The following PRKG1 variants were observed in gnomAD, a reference collection of about 807,000 sequenced individuals.
PRKG1 encodes cGMP-dependent protein kinase 1.
Under a neutral mutation model 88.1 loss-of-function variants are expected in PRKG1, and 35 were observed. The observed-to-expected ratio is 0.40, with a 90% CI of 0.30 to 0.53. The LOEUF (loss-of-function observed/expected upper bound fraction) is 0.53, where lower values mean the gene tolerates loss of function less well. Ranked by LOEUF, PRKG1 falls within the 20% of genes least tolerant of loss-of-function variation. The probability of loss-of-function intolerance (pLI) is 0.59; values close to 1 mark genes in which losing one functional copy is unlikely to be tolerated. For missense variants in PRKG1, 540 were observed against 839.8 expected (o/e 0.64, Z 4.41); for synonymous variants, 303 against 292.5 (o/e 1.04, Z -0.37).
In PRKG1 at chr10:51,631,054, G is replaced by A. The variant is rs148655004; in HGVS notation, c.592+163218G>A. Among the ~76,000 whole-genome samples the A allele has an allele frequency of 5.9e-5, 9 of 152,324 alleles. No homozygotes were observed. The East Asian group carries it at 1.7e-3, about 29-fold the overall frequency. On this transcript the variant is annotated intron_variant, in intron 3 of 17. Transcript: ENST00000373980. ...GGCTTCATGGCTTCTTCGTTGGATA[G>A]CCGGTCACCACATATTATACAAAAA...
rs151211458 is a variant in PRKG1, at chr10:52,073,931, C to T, written c.935+11300C>T. Reference sequence around the variant, plus strand: ...CCTTAGCATTTGGACTAGACTACTTCCACAATAATCAAGATTATTTAATAA... The same window carrying T: ...CCTTAGCATTTGGACTAGACTACTTTCACAATAATCAAGATTATTTAATAA... On this transcript the variant is annotated intron_variant, in intron 7 of 17. Coordinates refer to ENST00000373980, the MANE Select transcript of PRKG1 (RefSeq NM_006258.4). Among the ~76,000 whole-genome samples the T allele has an allele frequency of 7.2e-3, 1,092 of 152,300 alleles. 15 individuals are homozygous for T. The highest frequency in any genetic ancestry group is 0.025 in the African/African-American group (1,040 of 41,562).
At chr10:51,201,387 G>A (rs997453854) in intron 2 of PRKG1, among the ~76,000 whole-genome samples, 4 of 152,176 alleles carry the variant, frequency 2.6e-5, no homozygotes, top group Non-Finnish European at 5.9e-5. Context: ...GGGTGGCGGA[G>A]GTTGCAGTGA....
At position 52,059,917 on chromosome 10, in the gene PRKG1, A is replaced by C. The variant is rs139132529; in HGVS notation, c.841-2620A>C. Among the ~76,000 whole-genome samples, 389 of 152,076 alleles carry C rather than the reference A, an allele frequency of 2.6e-3. 1 individual carries two copies. The highest frequency in any genetic ancestry group is 8.7e-3 in the African/African-American group (361 of 41,562). ...CATATCTATAACAAGAAAATGTTCG[A>C]GTCTTTTAAGAAGAAAATTGTATTT... On this transcript the variant is annotated intron_variant, in intron 6 of 17. Transcript: ENST00000373980.
At chr10:51,115,622 G>A (rs540678985) in intron 1 of PRKG1, among the ~76,000 whole-genome samples, 12 of 151,384 alleles carry the variant, frequency 7.9e-5, no homozygotes, top group African/African-American at 2.9e-4. Flanking sequence ...GGAGGATCAC[G>A]AGGTCAAGAG....
intron 4 of PRKG1, among the ~76,000 whole-genome samples, chr10:51,848,114 A>C (rs1429848191): frequency 6.6e-6 from 1 of 152,168 alleles, no homozygotes; most frequent in Non-Finnish European, 1.5e-5. Flanking sequence ...GCATTCCAAA[A>C]TACAGCCCAG....
At chr10:51,467,615 T>C (rs1839941414) in intron 2 of PRKG1, 108 bp from the exon 3 acceptor site, 1 of 786,514 alleles carries the variant, frequency 1.3e-6, no homozygotes, top group African/African-American at 1.8e-5. Flanking sequence ...TTTTAATTGG[T>C]AACTGCATTT....
At chr10:52,244,977 TA>T (rs1001347015) in intron 9 of PRKG1, among the ~76,000 whole-genome samples, 9 of 146,078 alleles carry the variant, frequency 6.2e-5, no homozygotes, top group African/African-American at 1.7e-4. Context: ...TTAAAAATAT[TA>T]AAAATATAAA....
chr10:51,704,272 G>GATAGATAT (rs1468017149), intron 3 of PRKG1, among the ~76,000 whole-genome samples: 1 of 152,016 alleles, frequency 6.6e-6, no homozygotes, highest in Non-Finnish European at 1.5e-5. Flanking sequence ...TAGATAGATA[G>GATAGATAT]ATATTTTGTT....
chr10:52,032,300 CT>C (rs756143643), intron 5 of PRKG1, among the ~76,000 whole-genome samples: 6 of 152,154 alleles, frequency 3.9e-5, no homozygotes, highest in Non-Finnish European at 8.8e-5. Context: ...TGAGCATAGG[CT>C]TTCTAAAGCA....
At chr10:51,537,760 G>A (rs1219743261) in intron 3 of PRKG1, among the ~76,000 whole-genome samples, 2 of 151,210 alleles carry the variant, frequency 1.3e-5, no homozygotes, top group East Asian at 3.9e-4. Flanking sequence ...TACTCGGGGA[G>A]CTTTTAAAAC....
intron 5 of PRKG1, among the ~76,000 whole-genome samples, chr10:52,031,587 A>C (rs1277194302): frequency 6.6e-6 from 1 of 152,230 alleles, no homozygotes; most frequent in African/African-American, 2.4e-5. Flanking sequence ...TTTTTAAAAT[A>C]GTGCAAAACA....
chr10:51,525,152 G>T (rs1265796319), intron 3 of PRKG1, among the ~76,000 whole-genome samples: 1 of 151,456 alleles, frequency 6.6e-6, no homozygotes, highest in Non-Finnish European at 1.5e-5. Flanking sequence ...GAGAGAGAAG[G>T]AGGAGGAGGA....
chr10:51,282,064 A>G (rs536743019), intron 2 of PRKG1, among the ~76,000 whole-genome samples: 2 of 152,334 alleles, frequency 1.3e-5, no homozygotes, highest in South Asian at 4.1e-4. Context: ...AAAGTGATGC[A>G]ATGCCAACAC....
At chr10:51,739,236 A>G (rs1837369527) in intron 3 of PRKG1, among the ~76,000 whole-genome samples, 1 of 152,052 alleles carries the variant, frequency 6.6e-6, no homozygotes, top group Non-Finnish European at 1.5e-5. Context: ...TTGAAATATC[A>G]TATATTCATT....
At chr10:51,511,379 G>C (rs781256365) in intron 3 of PRKG1, among the ~76,000 whole-genome samples, 1 of 152,112 alleles carries the variant, frequency 6.6e-6, no homozygotes, top group Non-Finnish European at 1.5e-5. Context: ...TCTATTATCA[G>C]AAGTCACAAT....
intron 1 of PRKG1, among the ~76,000 whole-genome samples, chr10:51,044,292 G>C (rs1220804316): frequency 6.6e-6 from 1 of 152,170 alleles, no homozygotes; most frequent in Non-Finnish European, 1.5e-5. Context: ...AAGGCCATGG[G>C]GATGAGGTGA....
At chr10:51,893,904 C>T (rs907972160) in intron 4 of PRKG1, among the ~76,000 whole-genome samples, 13 of 152,012 alleles carry the variant, frequency 8.6e-5, no homozygotes, top group African/African-American at 2.9e-4. Context: ...ACTACAAAAG[C>T]AGGACTTTCA....
chr10:51,774,284 A>G (rs897374407), intron 3 of PRKG1, among the ~76,000 whole-genome samples: 11 of 152,130 alleles, frequency 7.2e-5, no homozygotes, highest in African/African-American at 2.7e-4. Flanking sequence ...CTAATGAGAT[A>G]CATTGCATTT....
intron 3 of PRKG1, among the ~76,000 whole-genome samples, chr10:51,767,546 A>G (rs1363011465): frequency 2.0e-5 from 3 of 152,200 alleles, no homozygotes; most frequent in Admixed American, 1.3e-4. Context: ...ACTCTGAATC[A>G]GAAGACTTGG....
Sources: gnomAD v4.1 joint callset for allele counts (sites outside exome capture counted in the v4.1 genomes callset) on GRCh38, gnomAD v4.1.1 for gene constraint, MANE v1.5 for transcripts, NCBI Gene and HGNC (gene_info 2026-07-23, HGNC 2026-07-21) for gene names.